Variants in TCF20 observed in about 807,000 individuals in gnomAD.
TCF20 encodes SPRE-binding protein.
Under a neutral mutation model 148.6 loss-of-function variants are expected in TCF20, and 3 were observed. The ratio of observed to expected loss-of-function variants is 0.02; its 90% confidence interval spans 0.01 to 0.05. The LOEUF is 0.05. Among genes scored for constraint, TCF20 ranks in the 10% least tolerant of loss-of-function variants. The probability of loss-of-function intolerance (pLI) is 1.00; values close to 1 mark genes in which losing one functional copy is unlikely to be tolerated. For synonymous variants in TCF20, 1,049 were observed against 909.5 expected (o/e 1.15, Z -2.76); for missense variants, 2,350 against 2,429.3 (o/e 0.97, Z 0.69).
upstream of TCF20, among the ~76,000 whole-genome samples, chr22:42,286,060 G>A (rs1188108491): frequency 6.6e-6 from 1 of 152,172 alleles, no homozygotes; most frequent in Admixed American, 6.5e-5. Flanking sequence ...CACTCACTGG[G>A]TGACCTTAGA....
At chr22:42,206,012 G>T (rs560573092) in intron 2 of TCF20, among the ~76,000 whole-genome samples, 48 of 152,228 alleles carry the variant, frequency 3.2e-4, no homozygotes, top group African/African-American at 1.1e-3. Flanking sequence ...GACCTCAGGC[G>T]ATCTGCCCAC....
chr22:42,202,728 G>A (rs755258528), intron 2 of TCF20, among the ~76,000 whole-genome samples: 44 of 152,314 alleles, frequency 2.9e-4, no homozygotes, highest in Non-Finnish European at 5.6e-4. Context: ...AAACAGTATT[G>A]GATGAAGCAA....
At chr22:42,336,335 C>T (rs1027627993) in intron 1 of TCF20, among the ~76,000 whole-genome samples, 4 of 152,184 alleles carry the variant, frequency 2.6e-5, no homozygotes, top group East Asian at 1.9e-4. Context: ...GGCTGGGCCT[C>T]GGCTCCCGCC....
intron 1 of TCF20, among the ~76,000 whole-genome samples, chr22:42,221,066 G>A (rs1922310870): frequency 6.6e-6 from 1 of 152,178 alleles, no homozygotes; most frequent in Non-Finnish European, 1.5e-5. Flanking sequence ...CTGCAGATCA[G>A]AAGCTGAGAA....
intron 1 of TCF20, among the ~76,000 whole-genome samples, chr22:42,244,245 G>A (rs564268761): frequency 1.2e-3 from 177 of 152,186 alleles, no homozygotes; most frequent in African/African-American, 4.1e-3. Context: ...TCAAAAAGTT[G>A]AATACAGAAT....
intron 2 of TCF20, among the ~76,000 whole-genome samples, chr22:42,200,569 G>A (rs976048429): frequency 1.3e-5 from 2 of 151,696 alleles, no homozygotes; most frequent in African/African-American, 4.9e-5. Context: ...TTGAAACTGG[G>A]GGGTGGAGGT....
chr22:42,267,106 G>A lies in TCF20; in HGVS notation c.-37+3233C>T, dbSNP rs1283532559. ...AACATGGAGAAATCCCGTCTCTACT[G>A]AAAATACAAAATTAGCCAGGCGAGG... is the stretch of plus-strand genomic sequence containing the variant. On this transcript the variant is annotated intron_variant, in intron 1 of 5. Transcript: ENST00000677622. 4.0e-5 allele frequency among the ~76,000 whole-genome samples: 6 copies of A among 151,644 alleles called. No individual in the cohort carries two copies. The East Asian group carries it at 1.2e-3, about 30-fold the overall frequency.
At position 42,161,266 on chromosome 22, in the gene TCF20, G is replaced by T; in HGVS notation, c.*137C>A. 1 of 1,593,144 alleles carries T rather than the reference G, an allele frequency of 6.3e-7. No individual in the cohort carries two copies. ...CTGGCATGGGCAGGCACGCGGGCGGGGCGGGGCGGGGCAGGGCAGGGTGTG... is the reference window on the plus strand; with the variant it reads ...CTGGCATGGGCAGGCACGCGGGCGGTGCGGGGCGGGGCAGGGCAGGGTGTG... On this transcript the variant is annotated 3_prime_UTR_variant, in exon 6 of 6. Transcript: ENST00000677622.
At chr22:42,302,328 T>C (rs1164644857) in intron 1 of TCF20, among the ~76,000 whole-genome samples, 2 of 151,878 alleles carry the variant, frequency 1.3e-5, no homozygotes, top group Non-Finnish European at 2.9e-5. Context: ...TGGGGACCCA[T>C]AGAGTGGGCA....
At position 42,299,706 on chromosome 22, in the gene TCF20, G is replaced by T. The variant is rs1245570347; in HGVS notation, c.-37+43773C>A. Among the ~76,000 whole-genome samples the T allele has an allele frequency of 2.6e-5, 4 of 152,138 alleles. No individual in the cohort carries two copies. The highest frequency in any genetic ancestry group is 2.6e-4 in the Admixed American group (4 of 15,284). On this transcript the variant is annotated intron_variant, in intron 1 of 1. Coordinates refer to the TCF20 transcript ENST00000515426. This position sits in a 1 kb window ranked among gnomAD's most constrained non-coding sequence, Gnocchi z 4.1. ...ACCTCCTAGGAGTGACCTGGCTGGG[G>T]TCTCTCTAGGTCAGGTAATTAATAG...
intron 1 of TCF20, among the ~76,000 whole-genome samples, chr22:42,306,904 T>C (rs980859361): frequency 1.3e-5 from 2 of 151,794 alleles, no homozygotes; most frequent in South Asian, 4.2e-4. Flanking sequence ...CCAGGCATGG[T>C]GGCACGCTCC....
At chr22:42,219,584 A>G (rs1922162374) in intron 1 of TCF20, among the ~76,000 whole-genome samples, 1 of 151,728 alleles carries the variant, frequency 6.6e-6, no homozygotes, top group African/African-American at 2.4e-5. Flanking sequence ...GGCTGGGCAC[A>G]GTGGCTCACC....
At chr22:42,339,822 G>A (rs996272736) in intron 1 of TCF20, among the ~76,000 whole-genome samples, 7 of 152,176 alleles carry the variant, frequency 4.6e-5, no homozygotes, top group Admixed American at 2.0e-4. Flanking sequence ...TGATGCTCAC[G>A]GAGCCAGCCT....
Position 42,310,076 on chromosome 22 carries a change from C to T in TCF20, c.-37+33403G>A, listed in dbSNP as rs117995778. ...ATGAAGTTTTCCCAGAAAAGGTGGA[C>T]TTTGAAGGATGTGTAGGAGTTTATA... On this transcript the variant is annotated intron_variant, in intron 1 of 1. Coordinates refer to the TCF20 transcript ENST00000515426. Among the ~76,000 whole-genome samples, 285 of 152,294 alleles carry T rather than the reference C, an allele frequency of 1.9e-3. 5 individuals carry two copies. In the East Asian group the frequency reaches 0.052, roughly 28 times the overall value.
At chr22:42,311,616 C>A (rs908981625) in intron 1 of TCF20, among the ~76,000 whole-genome samples, 2 of 152,178 alleles carry the variant, frequency 1.3e-5, no homozygotes, top group Non-Finnish European at 2.9e-5. Flanking sequence ...GGACGGGAAT[C>A]ATGCAGACCC....
intron 2 of TCF20, among the ~76,000 whole-genome samples, chr22:42,195,972 A>T (rs1300706587): frequency 6.6e-6 from 1 of 152,174 alleles, no homozygotes; most frequent in Non-Finnish European, 1.5e-5. Context: ...GGGCCAACTC[A>T]GCCCTTGGGG....
At chr22:42,240,575 T>C (rs1220123657) in intron 1 of TCF20, among the ~76,000 whole-genome samples, 3 of 152,178 alleles carry the variant, frequency 2.0e-5, no homozygotes, top group Non-Finnish European at 4.4e-5. Context: ...ACCAAATTAA[T>C]ATCCTGAAAA....
At chr22:42,188,400 T>G (rs1322007131) in intron 2 of TCF20, among the ~76,000 whole-genome samples, 1 of 148,580 alleles carries the variant, frequency 6.7e-6, no homozygotes, top group Non-Finnish European at 1.5e-5. Flanking sequence ...CTAACGAAAG[T>G]AAAAACACCA....
rs1172332726 is a variant in TCF20, at chr22:42,213,070, T to G, written c.2236A>C (p.Asn746His). 1 of 1,614,118 alleles carries G rather than the reference T, an allele frequency of 6.2e-7. No homozygotes were observed. Among genetic ancestry groups the G allele is most frequent in the East Asian group, 2.2e-5 (1 of 44,876 alleles). The part of the protein sequence containing the change: ...FTGHGERKGR[N>H]EKFPSLLQEV... ...TGCAGGAGGCTTGGGAATTTTTCAT[T>G]TCTACCCTTTCGTTCCCCATGGCCA... The change falls in exon 2 of 6, where the codon AAT becomes CAT. Residue 746 changes from asparagine to histidine, a missense_variant. Physicochemically the swap from Asn to His is moderately conservative, Grantham distance 68. Transcript: ENST00000677622.
Sources: gnomAD v4.1 joint callset for allele counts (sites outside exome capture counted in the v4.1 genomes callset) on GRCh38, gnomAD v4.1.1 for gene constraint, Gnocchi (gnomAD v3.1) non-coding constraint, MANE v1.5 for transcripts, NCBI Gene and HGNC (gene_info 2026-07-23, HGNC 2026-07-21) for gene names.